The following CHSY3 variants were observed in gnomAD, a reference collection of about 807,000 sequenced individuals.
CHSY3 encodes the protein chondroitin sulfate synthase 3.
Under a neutral mutation model 67.2 loss-of-function variants are expected in CHSY3, and 35 were observed. The ratio of observed to expected loss-of-function variants is 0.52; its 90% CI spans 0.40 to 0.69. The LOEUF (loss-of-function observed/expected upper bound fraction) is 0.69, where lower values mean the gene tolerates loss of function less well. Among genes scored for constraint, CHSY3 ranks in the 30% least tolerant of loss-of-function variants. The pLI, the probability that CHSY3 is intolerant of heterozygous loss-of-function variation, is 0.00. For synonymous variants in CHSY3, 474 were observed against 434.7 expected (o/e 1.09, Z -1.12); for missense variants, 1,069 against 1,138.5 (o/e 0.94, Z 0.88).
At chr5:130,170,198 A>T (rs117304195) in intron 2 of CHSY3, among the ~76,000 whole-genome samples, 1 of 151,862 alleles carries the variant, frequency 6.6e-6, no homozygotes, top group East Asian at 1.9e-4. Context: ...ATGTGTTCCC[A>T]TTGTTTAGTT....
At chr5:130,011,354 C>T (rs982888470) in intron 2 of CHSY3, among the ~76,000 whole-genome samples, 61 of 152,116 alleles carry the variant, frequency 4.0e-4, no homozygotes, top group African/African-American at 1.2e-4. Flanking sequence ...ATCACATAAA[C>T]GGAACTAAAA....
intron 2 of CHSY3, among the ~76,000 whole-genome samples, chr5:129,975,192 A>G (rs754008953): frequency 8.5e-5 from 13 of 152,118 alleles, no homozygotes; most frequent in Non-Finnish European, 1.6e-4. Context: ...AAAACTGCAC[A>G]TTGTGCACAT....
At chr5:129,933,005 C>A (rs548013932) in intron 2 of CHSY3, among the ~76,000 whole-genome samples, 63 of 152,262 alleles carry the variant, frequency 4.1e-4, no homozygotes, top group Non-Finnish European at 8.2e-4. Context: ...GATCCCCTAC[C>A]TTTCCTCCCA....
intron 2 of CHSY3, among the ~76,000 whole-genome samples, chr5:129,915,626 A>G (rs558640946): frequency 8.5e-5 from 13 of 152,256 alleles, no homozygotes; most frequent in Admixed American, 4.6e-4. Flanking sequence ...ACATGTCATT[A>G]TCTCTTTCAG....
intron 2 of CHSY3, chr5:130,140,480 C>T: frequency 8.8e-7 from 1 of 1,131,422 alleles, no homozygotes; most frequent in Non-Finnish European, 1.2e-6. Flanking sequence ...TTTAATGACT[C>T]TCAGCATCAG....
intron 2 of CHSY3, among the ~76,000 whole-genome samples, chr5:130,162,444 G>C (rs1305247585): frequency 2.0e-5 from 3 of 152,158 alleles, no homozygotes; most frequent in African/African-American, 7.2e-5. Context: ...TGGACTCTCA[G>C]TACAATGACC....
At chr5:130,113,145 T>C (rs1329591324) in intron 2 of CHSY3, among the ~76,000 whole-genome samples, 1 of 152,096 alleles carries the variant, frequency 6.6e-6, no homozygotes, top group East Asian at 1.9e-4. Flanking sequence ...ATATAATGTA[T>C]CTGAGACAAA....
intron 2 of CHSY3, among the ~76,000 whole-genome samples, chr5:130,133,786 A>G (rs1249540065): frequency 1.6e-5 from 2 of 128,250 alleles, no homozygotes; most frequent in South Asian, 3.0e-4. Flanking sequence ...AAAAAAAAAA[A>G]AAAAAAAAAG....
At chr5:130,023,661 A>C (rs1764455541) in intron 2 of CHSY3, among the ~76,000 whole-genome samples, 1 of 152,048 alleles carries the variant, frequency 6.6e-6, no homozygotes, top group African/African-American at 2.4e-5. Context: ...AAGTAAATAA[A>C]GAATACTGAA....
intron 2 of CHSY3, among the ~76,000 whole-genome samples, chr5:130,131,722 G>T (rs546279163): frequency 6.6e-6 from 1 of 152,160 alleles, no homozygotes; most frequent in African/African-American, 2.4e-5. Context: ...CTATAGAGTT[G>T]GTCATTGCCA....
At chr5:130,128,229 GGTGTGTGT>G (rs112570550) in intron 2 of CHSY3, among the ~76,000 whole-genome samples, 36 of 147,480 alleles carry the variant, frequency 2.4e-4, no homozygotes, top group African/African-American at 8.3e-4. Flanking sequence ...AAGAAAATGT[GGTGTGTGT>G]GTGTGTGTGT....
At chr5:130,108,540 A>C (rs1213295433) in intron 2 of CHSY3, among the ~76,000 whole-genome samples, 2 of 151,736 alleles carry the variant, frequency 1.3e-5, no homozygotes, top group Non-Finnish European at 3.0e-5. Flanking sequence ...AGAAAAATGC[A>C]AAACTGACAA....
At chr5:130,074,786 C>T (rs1023556323) in intron 2 of CHSY3, among the ~76,000 whole-genome samples, 1 of 152,100 alleles carries the variant, frequency 6.6e-6, no homozygotes, top group African/African-American at 2.4e-5. Context: ...GGATTCAATA[C>T]TTGTTGAATG....
intron 2 of CHSY3, among the ~76,000 whole-genome samples, chr5:129,964,509 C>T (rs1762418733): frequency 6.6e-6 from 1 of 151,796 alleles, no homozygotes; most frequent in African/African-American, 2.4e-5. Context: ...AGATATAGGA[C>T]TCCAGTAGCT....
chr5:129,990,152 G>A (rs1199009808), intron 2 of CHSY3, among the ~76,000 whole-genome samples: 2 of 151,802 alleles, frequency 1.3e-5, no homozygotes, highest in African/African-American at 4.8e-5. Context: ...CTGTATGTTT[G>A]CAAATCTAAT....
chr5:130,077,476 G>C (rs547950346), intron 2 of CHSY3, among the ~76,000 whole-genome samples: 2 of 152,148 alleles, frequency 1.3e-5, no homozygotes, highest in Non-Finnish European at 1.5e-5. Context: ...AATAAATATA[G>C]GACCTTTTCC....
At chr5:130,109,719 C>G (rs1416005091) in intron 2 of CHSY3, among the ~76,000 whole-genome samples, 1 of 151,516 alleles carries the variant, frequency 6.6e-6, no homozygotes, top group Non-Finnish European at 1.5e-5. Context: ...ATATTTACTA[C>G]TTTGAAGATG....
At chr5:130,126,831 A>G (rs1477719955) in intron 2 of CHSY3, among the ~76,000 whole-genome samples, 1 of 152,176 alleles carries the variant, frequency 6.6e-6, no homozygotes, top group Non-Finnish European at 1.5e-5. Flanking sequence ...GCATAAACCC[A>G]GACTTTATGG....
intron 2 of CHSY3, among the ~76,000 whole-genome samples, chr5:130,015,152 A>G (rs1022834749): frequency 2.0e-5 from 3 of 152,066 alleles, no homozygotes. Context: ...ATGGTTTAAA[A>G]GTGTGTGGCA....
Sources: allele counts gnomAD v4.1 joint callset (sites outside exome capture counted in the v4.1 genomes callset), GRCh38; gene constraint gnomAD v4.1.1; transcripts MANE v1.5; gene names NCBI Gene and HGNC (gene_info 2026-07-23, HGNC 2026-07-21).